Variants in BCL9 observed in about 807,000 individuals in gnomAD.
BCL9 encodes the protein BCL9 transcription coactivator, also known as B-cell CLL/lymphoma 9 protein.
In BCL9, 25 loss-of-function variants were observed where a neutral mutation model predicts 88.5. That is an observed-to-expected ratio of 0.28 (90% confidence interval 0.21 to 0.39). The LOEUF (loss-of-function observed/expected upper bound fraction) is 0.39, where lower values mean the gene tolerates loss of function less well. Ranked by LOEUF, BCL9 falls within the 10% of genes least tolerant of loss-of-function variation. BCL9 has a pLI of 1.00. For synonymous variants in BCL9, 711 were observed against 673.3 expected (o/e 1.06, Z -0.87); for missense variants, 1,817 against 1,877.8 (o/e 0.97, Z 0.60).
At position 147,541,629 on chromosome 1, in the gene BCL9, C is replaced by T. The variant is rs1654322753; in HGVS notation, c.-523C>T. On this transcript the variant is annotated 5_prime_UTR_variant, in exon 1 of 10. Coordinates refer to ENST00000234739, the MANE Select transcript of BCL9 (RefSeq NM_004326.4). Reference sequence around the variant, plus strand: ...TTTTTTGTCTTCATTCACTTTCCCCCCTCAGTTTCTGAAATGATTCTCCAG... The same window carrying T: ...TTTTTTGTCTTCATTCACTTTCCCCTCTCAGTTTCTGAAATGATTCTCCAG... 6.6e-6 allele frequency: 1 copy of T among 152,060 alleles called. No homozygotes were observed. The highest frequency in any genetic ancestry group is 1.5e-5 in the Non-Finnish European group (1 of 68,036). The allele number at this position is 152,060 out of a possible 1,614,324, so 9.4% of individuals were successfully genotyped here. A position where few individuals can be genotyped will look rare whatever the true frequency, so the allele number is the denominator to read the frequency against.
At chr1:147,586,566 G>A (rs1454836942) in intron 1 of BCL9, among the ~76,000 whole-genome samples, 1 of 152,128 alleles carries the variant, frequency 6.6e-6, no homozygotes, top group African/African-American at 2.4e-5. Context: ...GCTAGCAGGC[G>A]CCTGCCGTGA....
chr1:147,625,670 T>C lies in BCL9; in HGVS notation c.*711T>C, dbSNP rs1471902221. ...AGTTCAAGTGCTCTTCAGCACTGTCTTGTCTCCCAATATACCAACCCACTG... is the reference window on the plus strand; with the variant it reads ...AGTTCAAGTGCTCTTCAGCACTGTCCTGTCTCCCAATATACCAACCCACTG... On this transcript the variant is annotated 3_prime_UTR_variant, in exon 10 of 10. Coordinates refer to ENST00000234739, the MANE Select transcript of BCL9 (RefSeq NM_004326.4). 8.6e-6 allele frequency: 2 copies of C among 232,488 alleles called. No individual in the cohort carries two copies. Among genetic ancestry groups the C allele is most frequent in the Non-Finnish European group, 1.7e-5 (2 of 117,396 alleles). The allele number at this position is 232,488 out of a possible 1,614,324, so 14.4% of individuals were successfully genotyped here. A position where few individuals can be genotyped will look rare whatever the true frequency, so the allele number is the denominator to read the frequency against.
intron 1 of BCL9, among the ~76,000 whole-genome samples, chr1:147,547,575 T>A (rs1245654598): frequency 2.0e-5 from 3 of 152,332 alleles, no homozygotes; most frequent in African/African-American, 7.2e-5. Flanking sequence ...TAAGATATAA[T>A]TACTTTCTAG....
intron 3 of BCL9, 36 bp downstream of exon 3, chr1:147,606,902 C>T (rs187018605): frequency 4.5e-4 from 68 of 152,700 alleles, no homozygotes; most frequent in Non-Finnish European, 1.8e-4. Flanking sequence ...CTGGAGCACA[C>T]GCCTGGCTTA....
At chr1:147,587,670 T>C (rs1412720904) in intron 1 of BCL9, among the ~76,000 whole-genome samples, 2 of 152,096 alleles carry the variant, frequency 1.3e-5, no homozygotes, top group Admixed American at 1.3e-4. Flanking sequence ...TTCTTCTCCT[T>C]AGGGGGCATT....
chr1:147,601,447 A>G (rs1657383893), intron 1 of BCL9, among the ~76,000 whole-genome samples: 1 of 152,210 alleles, frequency 6.6e-6, no homozygotes, highest in Non-Finnish European at 1.5e-5. Context: ...TTCAGGAATT[A>G]AATGTTCGTT....
chr1:147,622,559 A>T, intron 9 of BCL9, 28 bp downstream of exon 9: 2 of 1,613,636 alleles, frequency 1.2e-6, no homozygotes, highest in Non-Finnish European at 1.7e-6. Flanking sequence ...CAGGTTGTGG[A>T]GTGAGTGCTA....
chr1:147,551,537 C>T (rs868989060), intron 1 of BCL9, among the ~76,000 whole-genome samples: 2 of 152,148 alleles, frequency 1.3e-5, no homozygotes, highest in Non-Finnish European at 2.9e-5. Context: ...AATTTAATTG[C>T]CATTATGACA....
chr1:147,559,390 T>A (rs1655267974), intron 1 of BCL9, among the ~76,000 whole-genome samples: 1 of 152,138 alleles, frequency 6.6e-6, no homozygotes, highest in African/African-American at 2.4e-5. Context: ...TTCTCTCTCT[T>A]GTCTATAAAC....
intron 1 of BCL9, among the ~76,000 whole-genome samples, chr1:147,548,893 C>T (rs926722536): frequency 1.3e-5 from 2 of 151,182 alleles, no homozygotes; most frequent in African/African-American, 2.4e-5. Flanking sequence ...ATAGGGTATC[C>T]GTTTTCTCTC....
intron 1 of BCL9, among the ~76,000 whole-genome samples, chr1:147,586,773 A>T (rs672619): frequency 0.23 from 35,005 of 152,028 alleles, 8,271 homozygotes; most frequent in African/African-American, 0.59. Context: ...CTCCACCTGT[A>T]GAAATTTTTC....
At chr1:147,556,926 A>C (rs1411629259) in intron 1 of BCL9, among the ~76,000 whole-genome samples, 3 of 152,178 alleles carry the variant, frequency 2.0e-5, no homozygotes, top group African/African-American at 7.2e-5. Context: ...ATGGGTATAC[A>C]GTGGGCCCTC....
chr1:147,610,992 CAG>C (rs1201360014), intron 3 of BCL9, among the ~76,000 whole-genome samples: 3 of 152,168 alleles, frequency 2.0e-5, no homozygotes, highest in Admixed American at 6.5e-5. Flanking sequence ...TCATGGAAAT[CAG>C]GGGGCAGAAC....
chr1:147,601,326 C>G (rs995905004), intron 1 of BCL9, among the ~76,000 whole-genome samples: 1 of 152,152 alleles, frequency 6.6e-6, no homozygotes, highest in Admixed American at 6.5e-5. Context: ...TTGATTACAG[C>G]AAACATAGGT....
chr1:147,583,389 C>T (rs1045828216), intron 1 of BCL9, among the ~76,000 whole-genome samples: 21 of 151,746 alleles, frequency 1.4e-4, no homozygotes, highest in Admixed American at 6.6e-4. Context: ...GTAATCCTCC[C>T]GCCTCAGCCT....
intron 6 of BCL9, 144 bp from the exon 7 acceptor site, chr1:147,615,659 T>C: frequency 1.7e-6 from 1 of 582,720 alleles, no homozygotes; most frequent in Non-Finnish European, 3.0e-6. Context: ...CATGTTTGTC[T>C]TGATTTCTTC....
In BCL9 at chr1:147,619,883, G is replaced by T; in HGVS notation, c.1728G>T (p.Pro576=). ...AGMINSEMEG[P]NVPNPASRPG... is the part of the protein sequence containing the mutation. ...TGATAAACTCTGAAATGGAAGGGCC[G>T]AATGTCCCCAACCCTGCATCTAGAC... Residue 576 remains proline, a synonymous_variant, in exon 8 of 10, where the codon CCG becomes CCT. Transcript: ENST00000234739. The surrounding 1 kb of genome is among the most constrained non-coding windows in gnomAD (Gnocchi z 4.1). The T allele has an allele frequency of 6.2e-7, 1 of 1,614,174 alleles. No individual in the cohort carries two copies. Among genetic ancestry groups the T allele is most frequent in the Non-Finnish European group, 8.5e-7 (1 of 1,180,032 alleles).
Position 147,620,813 on chromosome 1 carries a change from C to T in BCL9, c.2658C>T (p.Pro886=). ...LGSPSGNLKS[P]QTPSQLAGML... is the part of the protein sequence containing the mutation. ...CGCCCTCGGGGAACCTCAAGTCCCCCCAGACTCCATCGCAGCTGGCAGGCA... is the reference window on the plus strand; with the variant it reads ...CGCCCTCGGGGAACCTCAAGTCCCCTCAGACTCCATCGCAGCTGGCAGGCA... The change falls in exon 8 of 10, where the codon CCC becomes CCT. Residue 886 remains proline, a synonymous_variant. Transcript: ENST00000234739. The T allele has an allele frequency of 1.9e-6, 3 of 1,614,196 alleles. No individual in the cohort carries two copies. Among genetic ancestry groups the T allele is most frequent in the Non-Finnish European group, 2.5e-6 (3 of 1,180,050 alleles).
At chr1:147,550,940 C>T (rs1553194742) in intron 1 of BCL9, among the ~76,000 whole-genome samples, 1 of 152,200 alleles carries the variant, frequency 6.6e-6, no homozygotes. Flanking sequence ...GGCACTCAAT[C>T]AGCTGTAGCA....
Sources: gnomAD v4.1 joint callset for allele counts (sites outside exome capture counted in the v4.1 genomes callset) on GRCh38, gnomAD v4.1.1 for gene constraint, Gnocchi (gnomAD v3.1) non-coding constraint, MANE v1.5 for transcripts, NCBI Gene and HGNC (gene_info 2026-07-23, HGNC 2026-07-21) for gene names.